Variants in KRAS observed in about 807,000 individuals in gnomAD.
KRAS encodes KRas proto-oncogene, GTPase.
A neutral mutation model predicts 21.0 loss-of-function variants in KRAS; 1 was observed. The observed-to-expected ratio is 0.05, with a 90% confidence interval of 0.02 to 0.23. The LOEUF is 0.23. Among genes scored for constraint, KRAS ranks in the 10% least tolerant of loss-of-function variants. The pLI is 1.00. For synonymous variants in KRAS, 67 were observed against 72.5 expected (o/e 0.92, Z 0.39); for missense variants, 107 against 221.8 (o/e 0.48, Z 3.29).
chr12:25,231,864 C>T (rs535903811), intron 2 of KRAS, among the ~76,000 whole-genome samples: 53 of 152,174 alleles, frequency 3.5e-4, no homozygotes, highest in South Asian at 2.5e-3. Context: ...AAATGAAATA[C>T]GATCTAAAAA....
intron 4 of KRAS, among the ~76,000 whole-genome samples, chr12:25,218,821 A>C (rs2141494216): frequency 6.6e-6 from 1 of 152,350 alleles, no homozygotes; most frequent in East Asian, 1.9e-4. Context: ...CAGATATTTA[A>C]TACCGACTGG....
chr12:25,215,659 A>ATTT, intron 4 of KRAS: 1 of 786,410 alleles, frequency 1.3e-6, no homozygotes, highest in Non-Finnish European at 2.0e-6. Flanking sequence ...TGAGCTTGAG[A>ATTT]TTTTTTTTTT....
chr12:25,244,787 T>C (rs1351379904), intron 2 of KRAS, among the ~76,000 whole-genome samples: 2 of 152,124 alleles, frequency 1.3e-5, no homozygotes, highest in African/African-American at 2.4e-5. Context: ...AGGCAAATAA[T>C]TCATTTTGTA....
chr12:25,214,365 T>C (rs1408257973), intron 4 of KRAS, among the ~76,000 whole-genome samples: 1 of 149,570 alleles, frequency 6.7e-6, no homozygotes, highest in African/African-American at 2.5e-5. Flanking sequence ...GAACATGAGA[T>C]TTTATTCTAT....
intron 4 of KRAS, among the ~76,000 whole-genome samples, chr12:25,221,440 G>A (rs1951324653): frequency 6.6e-6 from 1 of 152,036 alleles, no homozygotes. Context: ...AACCACGTTG[G>A]CCAGGCTGGC....
chr12:25,206,956 T>C lies in KRAS; in HGVS notation c.*2839A>G, dbSNP rs985968230. 4.8e-4 allele frequency: 98 copies of C among 205,578 alleles called. No individual in the cohort carries two copies. The highest frequency in any genetic ancestry group is 2.2e-3 in the African/African-American group (95 of 44,002). 12.7% of individuals were successfully genotyped at this position (205,578 alleles called of 1,614,324 possible). ...TAAAAAAACAATATAATCAAGTTTATTCCTTTAAAACAATGAAGTGATTTA... is the reference window on the plus strand; with the variant it reads ...TAAAAAAACAATATAATCAAGTTTACTCCTTTAAAACAATGAAGTGATTTA... On this transcript the variant is annotated 3_prime_UTR_variant, in exon 5 of 5. Transcript: ENST00000311936.
intron 2 of KRAS, among the ~76,000 whole-genome samples, chr12:25,229,638 G>A (rs1294422647): frequency 6.6e-6 from 1 of 152,088 alleles, no homozygotes; most frequent in African/African-American, 2.4e-5. Flanking sequence ...CAAAAAATAT[G>A]GTAAAGGGAT....
At chr12:25,219,528 A>T (rs944274754) in intron 4 of KRAS, among the ~76,000 whole-genome samples, 2 of 152,210 alleles carry the variant, frequency 1.3e-5, no homozygotes, top group South Asian at 4.1e-4. Flanking sequence ...GTTCCTGTTA[A>T]ATCTGCAAAT....
rs1232694571 is a variant in KRAS at position 25,230,817 on chromosome 12, G to GA, written c.112-3406dup. Among the ~76,000 whole-genome samples the GA allele has an allele frequency of 5.3e-5, 8 of 151,648 alleles. No homozygotes were observed. The East Asian group carries it at 5.8e-4, about 11-fold the overall frequency. ...TAAAAATTAATTATCTCACCAGTCA[G>GA]AAAAAAAAGATGGATATTTATTTTC... is the stretch of plus-strand genomic sequence containing the variant. On this transcript the variant is annotated intron_variant, in intron 2 of 4. Coordinates refer to ENST00000311936, the MANE Select transcript of KRAS (RefSeq NM_004985.5).
At position 25,207,923 on chromosome 12, in the gene KRAS, A is replaced by G; in HGVS notation, c.*1872T>C. ...AGCAGTAAATCTTATGGTTAGGGGA[A>G]TTACAAGTATTAAAACTGCATCAAG... On this transcript the variant is annotated 3_prime_UTR_variant, in exon 5 of 5. Transcript: ENST00000311936. 1 of 233,252 alleles carries G rather than the reference A, an allele frequency of 4.3e-6. No homozygotes were observed. The highest frequency in any genetic ancestry group is 8.5e-6 in the Non-Finnish European group (1 of 118,038). The allele number at this position is 233,252 out of a possible 1,614,324, so 14.4% of individuals were successfully genotyped here.
intron 2 of KRAS, among the ~76,000 whole-genome samples, chr12:25,244,033 G>A (rs1040532559): frequency 9.2e-5 from 14 of 152,084 alleles, no homozygotes; most frequent in South Asian, 2.1e-4. Flanking sequence ...AATATGTGAC[G>A]TTTCCTTATG....
intron 2 of KRAS, among the ~76,000 whole-genome samples, chr12:25,243,484 T>G (rs1480943962): frequency 6.6e-6 from 1 of 152,228 alleles, no homozygotes; most frequent in Non-Finnish European, 1.5e-5. Context: ...GCTTAACTGT[T>G]AGCTTTATTT....
intron 4 of KRAS, chr12:25,210,908 T>G (rs1346693016): frequency 1.3e-5 from 2 of 152,140 alleles, no homozygotes; most frequent in African/African-American, 4.8e-5. Context: ...CCTGCAGTAC[T>G]TAAATTATGC....
chr12:25,231,044 G>A (rs1236879178), intron 2 of KRAS, among the ~76,000 whole-genome samples: 1 of 146,760 alleles, frequency 6.8e-6, no homozygotes, highest in African/African-American at 2.5e-5. Context: ...TACAGAGCAT[G>A]TAAAGCTGAC....
At chr12:25,242,114 A>G (rs1232070658) in intron 2 of KRAS, among the ~76,000 whole-genome samples, 1 of 152,204 alleles carries the variant, frequency 6.6e-6, no homozygotes, top group Non-Finnish European at 1.5e-5. Context: ...AACCAATCCA[A>G]TGATTAATCT....
chr12:25,227,156 T>C (rs1951404165), intron 3 of KRAS, 78 bp downstream of exon 3: 1 of 955,402 alleles, frequency 1.0e-6, no homozygotes. Context: ...ATTATATGCA[T>C]GGCATTAGCA....
chr12:25,210,012 TTA>T (rs1951185954), intron 4 of KRAS, 101 bp from the exon 5 acceptor site: 2 of 861,572 alleles, frequency 2.3e-6, no homozygotes, highest in Middle Eastern at 2.3e-4. Flanking sequence ...AAAGGATTCT[TTA>T]TGTTTCTCTT....
At chr12:25,220,040 C>T (rs753185461) in intron 4 of KRAS, among the ~76,000 whole-genome samples, 3 of 152,208 alleles carry the variant, frequency 2.0e-5, no homozygotes, top group Non-Finnish European at 2.9e-5. Context: ...GCAGAAAAGC[C>T]GAATGAGGAG....
At chr12:25,242,292 TAATA>T (rs1390460782) in intron 2 of KRAS, among the ~76,000 whole-genome samples, 3 of 152,194 alleles carry the variant, frequency 2.0e-5, no homozygotes, top group East Asian at 1.9e-4. Flanking sequence ...AGTAGATACT[TAATA>T]TATATTTGGT....
Sources: allele counts gnomAD v4.1 joint callset (sites outside exome capture counted in the v4.1 genomes callset), GRCh38; gene constraint gnomAD v4.1.1; transcripts MANE v1.5; gene names NCBI Gene and HGNC (gene_info 2026-07-23, HGNC 2026-07-21).